Variants in TM2D1 observed in about 807,000 individuals in gnomAD.
TM2D1 encodes TM2 domain-containing protein 1.
Under a neutral mutation model 28.4 loss-of-function variants are expected in TM2D1, and 15 were observed. The observed-to-expected ratio is 0.53, with a 90% CI of 0.35 to 0.81. The LOEUF is 0.81. Ranked by LOEUF, TM2D1 falls within the 40% of genes least tolerant of loss-of-function variation. The pLI is 0.01. For synonymous variants in TM2D1, 93 were observed against 96.2 expected (o/e 0.97, Z 0.20); for missense variants, 236 against 254.9 (o/e 0.93, Z 0.50).
intron 1 of TM2D1, 78 bp downstream of exon 1, chr1:61,724,879 C>T: frequency 6.9e-7 from 1 of 1,443,164 alleles, no homozygotes; most frequent in Middle Eastern, 1.9e-4. Context: ...CAGCCCTAGC[C>T]AGTCCTGACG....
chr1:61,704,507 C>T (rs191452343), intron 3 of TM2D1, among the ~76,000 whole-genome samples: 20 of 152,204 alleles, frequency 1.3e-4, no homozygotes, highest in African/African-American at 4.8e-4. Context: ...TGTCGGCTTA[C>T]TGCAACCTCC....
intron 4 of TM2D1, among the ~76,000 whole-genome samples, chr1:61,695,291 TC>T (rs1315240047): frequency 6.6e-6 from 1 of 152,144 alleles, no homozygotes; most frequent in Non-Finnish European, 1.5e-5. Flanking sequence ...TATTTCTTTT[TC>T]CTAAGGATCA....
intron 2 of TM2D1, among the ~76,000 whole-genome samples, chr1:61,717,762 C>T (rs566215416): frequency 2.6e-5 from 4 of 151,760 alleles, no homozygotes; most frequent in Non-Finnish European, 5.9e-5. Context: ...TGATGTTTTT[C>T]AAATACACAA....
At chr1:61,688,843 GA>G (rs141687396) in intron 5 of TM2D1, among the ~76,000 whole-genome samples, 89,342 of 150,956 alleles carry the variant, frequency 0.59, 27,946 homozygotes, top group East Asian at 0.84. Flanking sequence ...TCAGGAGTTT[GA>G]GACCAGCCTG....
intron 2 of TM2D1, among the ~76,000 whole-genome samples, chr1:61,710,314 T>C (rs555379993): frequency 6.7e-6 from 1 of 149,302 alleles, no homozygotes; most frequent in South Asian, 2.1e-4. Flanking sequence ...TGATCCCAGA[T>C]ACTTGGGAGG....
chr1:61,722,498 A>C (rs1423065492), intron 2 of TM2D1, among the ~76,000 whole-genome samples: 1 of 151,990 alleles, frequency 6.6e-6, no homozygotes, highest in African/African-American at 2.4e-5. Context: ...CCTCCCGAGT[A>C]GCTGGGATTA....
intron 2 of TM2D1, among the ~76,000 whole-genome samples, chr1:61,722,553 G>A (rs1644575469): frequency 6.6e-6 from 1 of 152,104 alleles, no homozygotes; most frequent in Non-Finnish European, 1.5e-5. Flanking sequence ...ACTTTTAGTA[G>A]AGACGGGGTT....
chr1:61,721,537 G>A (rs1264597008), intron 2 of TM2D1, among the ~76,000 whole-genome samples: 2 of 80,740 alleles, frequency 2.5e-5, no homozygotes, highest in Non-Finnish European at 4.4e-5. Flanking sequence ...GTGAGACTCT[G>A]TCTCAAAAAA....
chr1:61,700,973 AC>A lies in TM2D1; in HGVS notation c.399del (p.Trp133CysfsTer17). On this transcript the variant is annotated frameshift_variant, in exon 4 of 7. Transcript: ENST00000606498. LOFTEE classifies it high-confidence loss of function. Reference sequence around the variant, plus strand: ...CCAAGGTAAAATCGATCTGCTCCCAACCATCCAAGAAAAAGAGACAATGCGA... The same window carrying A: ...CCAAGGTAAAATCGATCTGCTCCCAACATCCAAGAAAAAGAGACAATGCGA... ...VAVALSLFLGWLGADRFYLGY... is the reference protein window; with the variant it reads ...VAVALSLFLGXLGADRFYLGY... 3 of 1,612,616 alleles carry A rather than the reference AC, an allele frequency of 1.9e-6. No homozygotes were observed. Among genetic ancestry groups the A allele is most frequent in the Non-Finnish European group, 2.5e-6 (3 of 1,179,274 alleles).
At chr1:61,702,290 G>A (rs960319412) in intron 3 of TM2D1, among the ~76,000 whole-genome samples, 1 of 151,410 alleles carries the variant, frequency 6.6e-6, no homozygotes, top group Admixed American at 6.6e-5. Context: ...AGGATTTGAA[G>A]AAAAAGAAAC....
intron 5 of TM2D1, among the ~76,000 whole-genome samples, chr1:61,684,592 G>C (rs905683882): frequency 6.6e-6 from 1 of 152,160 alleles, no homozygotes; most frequent in East Asian, 1.9e-4. Flanking sequence ...CTGTTCCAAA[G>C]ATGCATTTCC....
rs190175571 is a variant in TM2D1 at position 61,713,085 on chromosome 1, G to T, written c.239-3648C>A. Among the ~76,000 whole-genome samples the T allele has an allele frequency of 9.6e-4, 146 of 151,710 alleles. 1 individual carries two copies. The highest frequency in any genetic ancestry group is 1.4e-3 in the Non-Finnish European group (94 of 67,952). ...CTTGGGAGGCTGAGGCAGGAGGATC[G>T]CTTGAACCCAGGAGGCAGAGGTTGT... On this transcript the variant is annotated intron_variant, in intron 2 of 6. Coordinates refer to ENST00000606498, the MANE Select transcript of TM2D1 (RefSeq NM_032027.3).
intron 3 of TM2D1, among the ~76,000 whole-genome samples, chr1:61,702,215 G>C (rs567765356): frequency 6.6e-6 from 1 of 151,610 alleles, no homozygotes; most frequent in Admixed American, 6.6e-5. Flanking sequence ...AATAAGTAAT[G>C]AATCCAAAGT....
At chr1:61,713,488 C>CAAAAAAAAAAAAAAAA (rs369601221) in intron 2 of TM2D1, among the ~76,000 whole-genome samples, 4 of 91,398 alleles carry the variant, frequency 4.4e-5, no homozygotes, top group Non-Finnish European at 4.5e-5. Context: ...AACTCAAAAA[C>CAAAAAAAAAAAAAAAA]AAAAAAAAAA....
intron 3 of TM2D1, among the ~76,000 whole-genome samples, chr1:61,703,718 T>TTATATATATA (rs56267637): frequency 1.5e-4 from 15 of 99,084 alleles, no homozygotes; most frequent in Admixed American, 4.2e-4. Context: ...TAGCCAATCT[T>TTATATATATA]TATATATATA....
chr1:61,703,723 TA>T (rs1644420043), intron 3 of TM2D1, among the ~76,000 whole-genome samples: 2 of 3,450 alleles, frequency 5.8e-4, no homozygotes, highest in African/African-American at 1.4e-3. Flanking sequence ...AATCTTTATA[TA>T]TATATATATA....
chr1:61,717,557 A>C (rs2148066785), intron 2 of TM2D1, among the ~76,000 whole-genome samples: 1 of 146,078 alleles, frequency 6.8e-6, no homozygotes, highest in Admixed American at 6.7e-5. Flanking sequence ...AAAAAGCAAC[A>C]GTGTGGTTTT....
intron 5 of TM2D1, among the ~76,000 whole-genome samples, chr1:61,688,900 G>A (rs753166940): frequency 1.1e-4 from 16 of 151,522 alleles, no homozygotes; most frequent in South Asian, 4.2e-4. Flanking sequence ...AGCTGGGCGC[G>A]GTGGCACATG....
chr1:61,715,111 T>C (rs1644507216), intron 2 of TM2D1, among the ~76,000 whole-genome samples: 1 of 152,142 alleles, frequency 6.6e-6, no homozygotes, highest in Non-Finnish European at 1.5e-5. Context: ...GGATGAAAAT[T>C]ATATACTTGA....
Sources: allele counts gnomAD v4.1 joint callset (sites outside exome capture counted in the v4.1 genomes callset), GRCh38; gene constraint gnomAD v4.1.1; transcripts MANE v1.5; gene names NCBI Gene and HGNC (gene_info 2026-07-23, HGNC 2026-07-21).